MN1: variants seen among roughly 807,000 people sequenced by gnomAD.
MN1 encodes transcriptional activator MN1.
Under a neutral mutation model 86.9 loss-of-function variants are expected in MN1, and 19 were observed. That is an observed-to-expected ratio of 0.22 (90% CI 0.15 to 0.32). MN1 has a LOEUF of 0.32. MN1 is among the 10% of genes least tolerant of loss of function. The probability of loss-of-function intolerance (pLI) is 1.00; values close to 1 mark genes in which losing one functional copy is unlikely to be tolerated. For missense variants in MN1, 1,841 were observed against 1,862.0 expected (o/e 0.99, Z 0.21); for synonymous variants, 928 against 849.6 (o/e 1.09, Z -1.60).
chr22:27,755,837 G>A (rs2267106), intron 1 of MN1, among the ~76,000 whole-genome samples: 32,930 of 152,172 alleles, frequency 0.22, 3,998 homozygotes, highest in Middle Eastern at 0.29. Context: ...AAAAGCAATT[G>A]CGTGAATAAC....
intron 1 of MN1, among the ~76,000 whole-genome samples, chr22:27,796,295 G>A (rs559745678): frequency 2.6e-5 from 4 of 152,180 alleles, no homozygotes; most frequent in Admixed American, 1.3e-4. Flanking sequence ...ACTAGCGCTA[G>A]AGGCTGACTA....
At position 27,797,318 on chromosome 22, in the gene MN1, G is replaced by A. The variant is rs754544394; in HGVS notation, c.3226C>T (p.Pro1076Ser). 17 of 1,602,548 alleles carry A rather than the reference G, an allele frequency of 1.1e-5. No individual in the cohort carries two copies. Among genetic ancestry groups the A allele is most frequent in the Middle Eastern group, 1.6e-4 (1 of 6,080 alleles). ...AGTTTGGGCGAGCCGGTCACCAGGG[G>A]ACTCCTGCTCGCTTTAACTAGTGCC... Reference protein sequence around the residue: ...PQALVKASRSPLVTGSPKLPP... With the variant: ...PQALVKASRSSLVTGSPKLPP... Residue 1076 changes from proline to serine, a missense_variant, in exon 1 of 2, where the codon CCC (proline) becomes TCC (serine). Pro to Ser is a moderately conservative substitution (Grantham distance 74). Coordinates refer to ENST00000302326, the MANE Select transcript of MN1 (RefSeq NM_002430.3).
chr22:27,760,448 G>T (rs1932827376), intron 1 of MN1, among the ~76,000 whole-genome samples: 1 of 152,186 alleles, frequency 6.6e-6, no homozygotes, highest in South Asian at 2.1e-4. Flanking sequence ...GATTGAGGCT[G>T]CAGTGAGCTG....
chr22:27,763,658 C>A (rs1003669648), intron 1 of MN1, among the ~76,000 whole-genome samples: 1 of 152,214 alleles, frequency 6.6e-6, no homozygotes, highest in Non-Finnish European at 1.5e-5. Context: ...AGGGAGTCCT[C>A]GTGAGGCCAC....
chr22:27,780,566 CCCCCTA>C (rs895050526), intron 1 of MN1, among the ~76,000 whole-genome samples: 2 of 151,822 alleles, frequency 1.3e-5, no homozygotes, highest in African/African-American at 2.4e-5. Context: ...ATTTTTCTCT[CCCCCTA>C]CCCCAGAGAG....
At chr22:27,753,364 T>C (rs1397973495) in intron 1 of MN1, among the ~76,000 whole-genome samples, 1 of 152,192 alleles carries the variant, frequency 6.6e-6, no homozygotes, top group African/African-American at 2.4e-5. Context: ...GGCTCTACCA[T>C]GTTCCCTCTC....
intron 1 of MN1, among the ~76,000 whole-genome samples, chr22:27,765,924 C>T (rs997388781): frequency 6.6e-6 from 1 of 152,106 alleles, no homozygotes; most frequent in Non-Finnish European, 1.5e-5. Context: ...GGGAACTAAG[C>T]CCCCGGGGTG....
Position 27,798,603 on chromosome 22 carries a change from C to T in MN1, c.1941G>A (p.Met647Ile). The T allele has an allele frequency of 6.4e-7, 1 of 1,558,252 alleles. No individual in the cohort carries two copies. The highest frequency in any genetic ancestry group is 1.4e-5 in the African/African-American group (1 of 73,572). The stretch of plus-strand genomic sequence containing the variant: ...AGTCAGCGGGCAGACCCGAGCCGCC[C>T]ATCCTACGGGGCAGCAGGTCTCCGG... ...PPPGDLLPRR[M>I]GGSGLPADCG... The change falls in exon 1 of 2, where the codon ATG becomes ATA. Residue 647 changes from methionine (M) to isoleucine (I), a missense_variant. By Grantham distance (10) the Met-to-Ile change is conservative. Transcript: ENST00000302326.
At chr22:27,778,428 G>A (rs1933007821) in intron 1 of MN1, among the ~76,000 whole-genome samples, 1 of 152,178 alleles carries the variant, frequency 6.6e-6, no homozygotes, top group African/African-American at 2.4e-5. Context: ...ATCCCACAGG[G>A]GGACGCCCAC....
At chr22:27,771,353 A>G (rs1325111923) in intron 1 of MN1, among the ~76,000 whole-genome samples, 3 of 151,086 alleles carry the variant, frequency 2.0e-5, no homozygotes, top group Non-Finnish European at 2.9e-5. Context: ...TCAGTCTTCC[A>G]AGTAGCTGGG....
chr22:27,783,157 CAG>C (rs1301465114), intron 1 of MN1, among the ~76,000 whole-genome samples: 35 of 147,406 alleles, frequency 2.4e-4, no homozygotes, highest in African/African-American at 7.6e-4. Flanking sequence ...TTTCTTGAGA[CAG>C]AGTCTTGCTC....
At chr22:27,769,282 G>A (rs1002082518) in intron 1 of MN1, among the ~76,000 whole-genome samples, 9 of 152,168 alleles carry the variant, frequency 5.9e-5, no homozygotes, top group African/African-American at 1.9e-4. Context: ...ACTTGATATT[G>A]AATCTGTAAT....
intron 1 of MN1, among the ~76,000 whole-genome samples, chr22:27,776,391 T>A (rs1320666160): frequency 7.2e-5 from 11 of 152,216 alleles, no homozygotes; most frequent in Non-Finnish European, 2.9e-5. Flanking sequence ...CCAGTTTAAT[T>A]GCCTTCAAAC....
chr22:27,766,027 AAAC>A (rs1473083087), intron 1 of MN1, among the ~76,000 whole-genome samples: 3 of 152,122 alleles, frequency 2.0e-5, no homozygotes, highest in African/African-American at 7.2e-5. Flanking sequence ...CACCTGCCGC[AAAC>A]AACCCCCAAC....
At chr22:27,752,417 TGG>T (rs1932773987) in intron 1 of MN1, among the ~76,000 whole-genome samples, 1 of 152,046 alleles carries the variant, frequency 6.6e-6, no homozygotes, top group African/African-American at 2.4e-5. Context: ...GTGCCTGGGG[TGG>T]GGGAGTCTAT....
chr22:27,792,351 T>TATATATATATATATA (rs1350212376), intron 1 of MN1, among the ~76,000 whole-genome samples: 1 of 109,158 alleles, frequency 9.2e-6, no homozygotes, highest in Non-Finnish European at 2.1e-5. Context: ...TATATATATA[T>TATATATATATATATA]GAATATATAA....
chr22:27,772,541 G>T (rs1932927532), intron 1 of MN1, among the ~76,000 whole-genome samples: 2 of 152,140 alleles, frequency 1.3e-5, no homozygotes, highest in South Asian at 4.1e-4. Context: ...CCTCTGAGCA[G>T]TGCTCCACAG....
Position 27,796,989 on chromosome 22 carries a change from G to A in MN1, c.3555C>T (p.Cys1185=), listed in dbSNP as rs1933308051. The change falls in exon 1 of 2, where the codon TGC becomes TGT. Residue 1185 remains cysteine, a synonymous_variant. Transcript: ENST00000302326. ...TCTGCGCCCCTGAGGCCCCGACGGC[G>A]CACTCACCCTTCTTGCCACCCTTCA... ...LGLKGGKKGE[C]AVGASGAQNG... 6.2e-7 allele frequency: 1 copy of A among 1,612,054 alleles called. No homozygotes were observed. The highest frequency in any genetic ancestry group is 8.5e-7 in the Non-Finnish European group (1 of 1,179,536).
intron 1 of MN1, among the ~76,000 whole-genome samples, chr22:27,757,613 T>C (rs1932809836): frequency 2.0e-5 from 3 of 152,178 alleles, no homozygotes; most frequent in Admixed American, 2.0e-4. Flanking sequence ...TATTTTGGTT[T>C]TTCCTTTATT....
Sources: allele counts gnomAD v4.1 joint callset (sites outside exome capture counted in the v4.1 genomes callset), GRCh38; gene constraint gnomAD v4.1.1; transcripts MANE v1.5; gene names NCBI Gene and HGNC (gene_info 2026-07-23, HGNC 2026-07-21).